EPHX4: variants seen among roughly 807,000 people sequenced by gnomAD.
EPHX4 encodes the protein epoxide hydrolase 4.
Under a neutral mutation model 44.9 loss-of-function variants are expected in EPHX4, and 31 were observed. The observed-to-expected ratio is 0.69, with a 90% CI of 0.52 to 0.93. EPHX4 has a LOEUF of 0.93. Ranked by LOEUF, EPHX4 falls within the 40% of genes least tolerant of loss-of-function variation. EPHX4 has a pLI of 0.00. For synonymous variants in EPHX4, 151 were observed against 159.7 expected (o/e 0.95, Z 0.41); for missense variants, 373 against 438.1 (o/e 0.85, Z 1.33).
intron 1 of EPHX4, among the ~76,000 whole-genome samples, chr1:92,031,659 T>C (rs1255784668): frequency 1.3e-5 from 2 of 152,356 alleles, no homozygotes; most frequent in East Asian, 1.9e-4. Flanking sequence ...TTGCCTGCTA[T>C]AAAAACCCAA....
Position 92,063,281 on chromosome 1 carries a change from G to A in EPHX4, c.1084G>A (p.Asp362Asn). 1 of 1,582,798 alleles carries A rather than the reference G, an allele frequency of 6.3e-7. No individual in the cohort carries two copies. The highest frequency in any genetic ancestry group is 8.6e-7 in the Non-Finnish European group (1 of 1,160,332). Residue 362 changes from aspartate (D) to asparagine (N), a missense_variant, in exon 7 of 7, where the codon GAT (aspartate) becomes AAT (asparagine). Coordinates refer to ENST00000370383, the MANE Select transcript of EPHX4 (RefSeq NM_173567.5). ...TCTAAAAGAAGAAACAAGAAAAAAAGATTGACTTTTCTTTATCTTCTATGA... is the reference window on the plus strand; with the variant it reads ...TCTAAAAGAAGAAACAAGAAAAAAAAATTGACTTTTCTTTATCTTCTATGA... ...TFLKEETRKK[D>N]
chr1:92,058,135 G>C (rs977670116), intron 6 of EPHX4, among the ~76,000 whole-genome samples: 1 of 151,972 alleles, frequency 6.6e-6, no homozygotes, highest in Admixed American at 6.6e-5. Context: ...CCAAGGATGA[G>C]TTAGCATTAA....
Position 92,045,565 on chromosome 1 carries a change from G to A in EPHX4, c.509G>A (p.Trp170Ter), listed in dbSNP as rs771576225. 3.1e-6 allele frequency: 5 copies of A among 1,613,394 alleles called. No individual in the cohort carries two copies. Among genetic ancestry groups the A allele is most frequent in the South Asian group, 2.2e-5 (2 of 91,010 alleles). ...YSKCVLIGHD[W>*]GGMIAWLIAI... ...AAATGTGTTCTTATTGGCCATGACT[G>A]GGGGGGCATGATTGCTTGGCTAATT... Residue 170 changes from tryptophan (W) to a stop codon, truncating the protein, a stop_gained, in exon 4 of 7, where the codon TGG (tryptophan) becomes TAG (stop). Coordinates refer to ENST00000370383, the MANE Select transcript of EPHX4 (RefSeq NM_173567.5). LOFTEE classifies it high-confidence loss of function.
intron 2 of EPHX4, among the ~76,000 whole-genome samples, chr1:92,034,430 G>T (rs74101097): frequency 0.056 from 8,495 of 151,898 alleles, 289 homozygotes; most frequent in African/African-American, 0.089. Context: ...TAAAAGCCCA[G>T]TTCCCTTAGT....
chr1:92,032,379 A>G, intron 1 of EPHX4, 126 bp from the exon 2 acceptor site: 4 of 679,706 alleles, frequency 5.9e-6, no homozygotes, highest in Non-Finnish European at 1.0e-5. Context: ...TCATGAAGAT[A>G]TTGTAAATAC....
chr1:92,042,834 G>A lies in EPHX4; in HGVS notation c.329G>A (p.Arg110His), dbSNP rs755111422. The A allele has an allele frequency of 2.2e-5, 36 of 1,610,338 alleles. No homozygotes were observed. Among genetic ancestry groups the A allele is most frequent in the African/African-American group, 5.4e-5 (4 of 74,684 alleles). The change falls in exon 3 of 7, where the codon CGT (arginine) becomes CAT (histidine). Residue 110 changes from arginine (R) to histidine (H), a missense_variant. By Grantham distance (29) the Arg-to-His change is conservative. Transcript: ENST00000370383. ...HGFPEFWYSWRYQLREFKSEY... is the reference protein window; with the variant it reads ...HGFPEFWYSWHYQLREFKSEY... Reference sequence around the variant, plus strand: ...CTTTTTTCCTGCAGGTATTCTTGGCGTTACCAACTGAGAGAATTTAAAAGT... The same window carrying A: ...CTTTTTTCCTGCAGGTATTCTTGGCATTACCAACTGAGAGAATTTAAAAGT...
At position 92,032,550 on chromosome 1, in the gene EPHX4, A is replaced by G. The variant is rs762897442; in HGVS notation, c.277A>G (p.Lys93Glu). 6.2e-7 allele frequency: 1 copy of G among 1,614,188 alleles called. No individual in the cohort carries two copies. The highest frequency in any genetic ancestry group is 8.5e-7 in the Non-Finnish European group (1 of 1,180,026). Residue 93 changes from lysine (K) to glutamate (E), a missense_variant, in exon 2 of 7, where the codon AAA becomes GAA. By Grantham distance (56) the Lys-to-Glu change is moderately conservative. Transcript: ENST00000370383. ...CTATGTTGCTGCTGGAGAAAGAGGC[A>G]AACCACTTATGCTGCTGCTTCATGG... ...FHYVAAGERG[K>E]PLMLLLHGFP...
intron 2 of EPHX4, among the ~76,000 whole-genome samples, chr1:92,038,313 C>T (rs533185477): frequency 6.6e-5 from 10 of 152,262 alleles, no homozygotes; most frequent in South Asian, 2.1e-4. Context: ...ATTGAAACAA[C>T]GTGCAGTTCA....
At chr1:92,038,223 T>C (rs1450397715) in intron 2 of EPHX4, among the ~76,000 whole-genome samples, 2 of 152,204 alleles carry the variant, frequency 1.3e-5, no homozygotes, top group African/African-American at 2.4e-5. Context: ...AAATGTAAAA[T>C]GTTGCAGGAT....
In EPHX4 at chr1:92,030,173, G is replaced by C. The variant is rs1557880117; in HGVS notation, c.94G>C (p.Ala32Pro). Residue 32 changes from alanine (A) to proline (P), a missense_variant, in exon 1 of 7, where the codon GCC (alanine) becomes CCC (proline). Transcript: ENST00000370383. ...SLVYCYCGLCASIHLLKLLWS... is the reference protein window; with the variant it reads ...SLVYCYCGLCPSIHLLKLLWS... The stretch of plus-strand genomic sequence containing the variant: ...GGTCTACTGCTACTGCGGGCTCTGC[G>C]CCTCCATCCACCTGCTCAAACTTTT... The C allele has an allele frequency of 1.9e-6, 3 of 1,612,334 alleles. No homozygotes were observed. The Admixed American group carries it at 5.0e-5, about 27-fold the overall frequency.
intron 3 of EPHX4, 41 bp from the exon 4 acceptor site, chr1:92,045,491 G>A (rs760629164): frequency 6.2e-7 from 1 of 1,610,872 alleles, no homozygotes; most frequent in Admixed American, 1.7e-5. Context: ...GCACCCACCT[G>A]TTTCTTTTTA....
At chr1:92,049,262 G>C (rs373384336) in intron 4 of EPHX4, among the ~76,000 whole-genome samples, 17 of 151,940 alleles carry the variant, frequency 1.1e-4, no homozygotes, top group Non-Finnish European at 1.6e-4. Flanking sequence ...GATGTTCTCC[G>C]TAGATCTTTG....
At chr1:92,047,369 A>T (rs1416533142) in intron 4 of EPHX4, among the ~76,000 whole-genome samples, 2 of 151,744 alleles carry the variant, frequency 1.3e-5, no homozygotes. Context: ...AGATTGTGCC[A>T]GCTGAGGGTG....
chr1:92,063,401 A>G lies in EPHX4; in HGVS notation c.*115A>G, dbSNP rs561998463. The G allele has an allele frequency of 9.5e-6, 7 of 736,586 alleles. No individual in the cohort carries two copies. The South Asian group carries it at 1.3e-4, about 14-fold the overall frequency. 45.6% of individuals were successfully genotyped at this position (736,586 alleles called of 1,614,324 possible). A position where few individuals can be genotyped will look rare whatever the true frequency, so the allele number is the denominator to read the frequency against. On this transcript the variant is annotated 3_prime_UTR_variant, in exon 7 of 7. Coordinates refer to ENST00000370383, the MANE Select transcript of EPHX4 (RefSeq NM_173567.5). ...AAAAACTGTTTTAATGTGCTTTATC[A>G]TAAATAAATATCCTGACAAATGGTA... is the stretch of plus-strand genomic sequence containing the variant.
In EPHX4 at chr1:92,055,987, C is replaced by CAGAG. The variant is rs150445133; in HGVS notation, c.857+3348_857+3351dup. ...AAATCACTGGAATCCTGTTAATTAG[C>CAGAG]AGAGAGAGAGAGAGAGAGAGAGGGA... On this transcript the variant is annotated intron_variant, in intron 6 of 6. Coordinates refer to ENST00000370383, the MANE Select transcript of EPHX4 (RefSeq NM_173567.5). Among the ~76,000 whole-genome samples the CAGAG allele has an allele frequency of 5.1e-3, 755 of 147,484 alleles. 8 individuals carry two copies. The highest frequency in any genetic ancestry group is 0.018 in the African/African-American group (723 of 40,284).
intron 6 of EPHX4, among the ~76,000 whole-genome samples, chr1:92,061,245 A>G (rs1277190566): frequency 6.6e-6 from 1 of 152,156 alleles, no homozygotes; most frequent in Non-Finnish European, 1.5e-5. Flanking sequence ...ACCCATTTAC[A>G]AAGAATTTAA....
intron 2 of EPHX4, among the ~76,000 whole-genome samples, chr1:92,039,716 C>T (rs1454415691): frequency 6.6e-6 from 1 of 152,070 alleles, no homozygotes; most frequent in Non-Finnish European, 1.5e-5. Flanking sequence ...TGCGGTGACT[C>T]GATCTCGGCT....
chr1:92,037,219 AT>A (rs1230058301), intron 2 of EPHX4, among the ~76,000 whole-genome samples: 1 of 151,744 alleles, frequency 6.6e-6, no homozygotes, highest in Non-Finnish European at 1.5e-5. Flanking sequence ...ACAAAAAAAA[AT>A]GAATTGATAA....
intron 6 of EPHX4, among the ~76,000 whole-genome samples, chr1:92,061,608 A>T (rs940615231): frequency 4.6e-5 from 7 of 152,236 alleles, no homozygotes; most frequent in African/African-American, 1.7e-4. Flanking sequence ...ATTATAGCAT[A>T]ATTTAAAACA....
Sources: allele counts gnomAD v4.1 joint callset (sites outside exome capture counted in the v4.1 genomes callset), GRCh38; gene constraint gnomAD v4.1.1; transcripts MANE v1.5; gene names NCBI Gene and HGNC (gene_info 2026-07-23, HGNC 2026-07-21).